Variants in C10orf53 observed in about 807,000 individuals in gnomAD.
The protein encoded by C10orf53 is UPF0728 protein C10orf53.
In C10orf53, 8 loss-of-function variants were observed where a neutral mutation model predicts 9.4. That is an observed-to-expected ratio of 0.85 (90% CI 0.50 to 1.53). C10orf53 has a LOEUF of 1.53. C10orf53 is among the 40% of genes most tolerant of loss of function. The probability of loss-of-function intolerance (pLI) is 0.00; values close to 1 mark genes in which losing one functional copy is unlikely to be tolerated. For missense variants in C10orf53, 117 were observed against 117.8 expected (o/e 0.99, Z 0.03); for synonymous variants, 48 against 46.0 (o/e 1.04, Z -0.18).
intron 1 of C10orf53, among the ~76,000 whole-genome samples, chr10:49,681,366 C>T (rs1048107497): frequency 3.9e-5 from 6 of 152,156 alleles, no homozygotes; most frequent in Non-Finnish European, 8.8e-5. Flanking sequence ...GGCAAAATAC[C>T]CTGAAGCCTA....
At chr10:49,698,262 C>A (rs1840652878), downstream of C10orf53, among the ~76,000 whole-genome samples, 1 of 152,160 alleles carries the variant, frequency 6.6e-6, no homozygotes, top group Non-Finnish European at 1.5e-5. Context: ...TGCACTCCAG[C>A]CTGGGTGACA....
intron 2 of C10orf53, among the ~76,000 whole-genome samples, chr10:49,706,465 G>A (rs1399469689): frequency 6.6e-6 from 1 of 152,214 alleles, no homozygotes; most frequent in Non-Finnish European, 1.5e-5. Flanking sequence ...GTCATGCTAA[G>A]TAAAGGAAGA....
chr10:49,689,703 T>A (rs1233588838), intron 1 of C10orf53, among the ~76,000 whole-genome samples: 1 of 152,122 alleles, frequency 6.6e-6, no homozygotes, highest in Non-Finnish European at 1.5e-5. Context: ...ACTCTATGTG[T>A]GTGACAGGGC....
Position 49,684,961 on chromosome 10 carries a change from C to T in C10orf53, c.97+5167C>T, listed in dbSNP as rs574657301. On this transcript the variant is annotated intron_variant, in intron 1 of 2. Transcript: ENST00000374111. ...AAGGGGAAAACGTTCAGTGGGCCTC[C>T]TTCAATCAGTTGAAGGCCTTAAGAG... Among the ~76,000 whole-genome samples the T allele has an allele frequency of 2.6e-5, 4 of 152,318 alleles. No individual in the cohort carries two copies. In the South Asian group the frequency reaches 8.3e-4, roughly 32 times the overall value.
At chr10:49,685,834 G>A (rs1425111844) in intron 1 of C10orf53, among the ~76,000 whole-genome samples, 1 of 152,170 alleles carries the variant, frequency 6.6e-6, no homozygotes, top group Non-Finnish European at 1.5e-5. Flanking sequence ...CCTGCTTGGA[G>A]TTGGTTGAGC....
chr10:49,703,543 C>T (rs1240970684), intron 2 of C10orf53, among the ~76,000 whole-genome samples: 1 of 152,190 alleles, frequency 6.6e-6, no homozygotes, highest in East Asian at 1.9e-4. Context: ...GTAAGGCGAC[C>T]AGCAGCCCCA....
intron 2 of C10orf53, among the ~76,000 whole-genome samples, chr10:49,706,304 T>C (rs1243637652): frequency 6.6e-6 from 1 of 152,214 alleles, no homozygotes; most frequent in East Asian, 1.9e-4. Flanking sequence ...ATAGCAGCAT[T>C]TATTGATAGT....
At chr10:49,682,583 TTGCTGCTGCTGGC>T (rs1840490543) in intron 1 of C10orf53, among the ~76,000 whole-genome samples, 1 of 151,298 alleles carries the variant, frequency 6.6e-6, no homozygotes, top group African/African-American at 2.4e-5. Flanking sequence ...CAGGAGCCAG[TTGCTGCTGCTGGC>T]GCAGGTGGCC....
Position 49,693,907 on chromosome 10 carries a change from C to A in C10orf53, c.217+14C>A. 2 of 1,614,218 alleles carry A rather than the reference C, an allele frequency of 1.2e-6. No homozygotes were observed. The highest frequency in any genetic ancestry group is 1.7e-6 in the Non-Finnish European group (2 of 1,180,026). On this transcript the variant is annotated intron_variant, in intron 2 of 2. Transcript: ENST00000374111. ...ACTTGGAGTTCGGTAAGCCCTTTGGCGATGCTTCCAGCCAGCAATTTGCCT... is the reference window on the plus strand; with the variant it reads ...ACTTGGAGTTCGGTAAGCCCTTTGGAGATGCTTCCAGCCAGCAATTTGCCT...
intron 1 of C10orf53, among the ~76,000 whole-genome samples, chr10:49,684,068 A>G (rs1840504853): frequency 1.3e-5 from 2 of 152,230 alleles, no homozygotes; most frequent in African/African-American, 4.8e-5. Context: ...TCATATGGAT[A>G]TCCAATTATC....
At chr10:49,702,871 A>G (rs759033584) in intron 2 of C10orf53, among the ~76,000 whole-genome samples, 7 of 152,152 alleles carry the variant, frequency 4.6e-5, no homozygotes, top group Non-Finnish European at 7.3e-5. Context: ...CCACCATCTA[A>G]GCATGGAGTG....
chr10:49,679,837 T>G, intron 1 of C10orf53, 43 bp downstream of exon 1: 1 of 1,497,234 alleles, frequency 6.7e-7, no homozygotes, highest in Non-Finnish European at 8.9e-7. Flanking sequence ...CCCCAGCCTC[T>G]GAGCATCCGT....
chr10:49,703,488 G>A (rs1254471682), intron 2 of C10orf53, among the ~76,000 whole-genome samples: 3 of 152,178 alleles, frequency 2.0e-5, no homozygotes, highest in Admixed American at 6.5e-5. Context: ...AAGCAGCAGC[G>A]TTCTGCTAAA....
chr10:49,681,901 T>TG (rs1338052442), intron 1 of C10orf53, among the ~76,000 whole-genome samples: 1 of 152,120 alleles, frequency 6.6e-6, no homozygotes, highest in African/African-American at 2.4e-5. Flanking sequence ...TATATGAAGT[T>TG]GGGGGAAGGG....
chr10:49,684,062 A>G (rs891410959), intron 1 of C10orf53, among the ~76,000 whole-genome samples: 13 of 152,352 alleles, frequency 8.5e-5, no homozygotes, highest in African/African-American at 3.1e-4. Flanking sequence ...AGATATTCAT[A>G]TGGATATCCA....
At chr10:49,701,016 G>GTATA (rs749680922), downstream of C10orf53, among the ~76,000 whole-genome samples, 1 of 138,856 alleles carries the variant, frequency 7.2e-6, no homozygotes, top group Admixed American at 7.2e-5. Flanking sequence ...ATATATATAT[G>GTATA]TATATATATG....
chr10:49,686,977 T>C (rs1222414808), intron 1 of C10orf53, among the ~76,000 whole-genome samples: 2 of 152,180 alleles, frequency 1.3e-5, no homozygotes, highest in African/African-American at 2.4e-5. Context: ...TGCCACCAGG[T>C]CAGAGAAAAG....
chr10:49,698,608 G>C (rs193019051), downstream of C10orf53, among the ~76,000 whole-genome samples: 27 of 152,274 alleles, frequency 1.8e-4, no homozygotes, highest in African/African-American at 6.0e-4. Flanking sequence ...CACAGCTGTT[G>C]GCCAAATCCA....
chr10:49,699,692 T>C (rs183510212), downstream of C10orf53, among the ~76,000 whole-genome samples: 84 of 152,320 alleles, frequency 5.5e-4, no homozygotes, highest in African/African-American at 1.9e-3. Context: ...AGAAGGCCCC[T>C]GGCTCTCCTG....
Sources: allele counts gnomAD v4.1 joint callset (sites outside exome capture counted in the v4.1 genomes callset), GRCh38; gene constraint gnomAD v4.1.1; transcripts MANE v1.5; gene names NCBI Gene and HGNC (gene_info 2026-07-23, HGNC 2026-07-21).